The following CACNA1E variants were observed in gnomAD, a reference collection of about 807,000 sequenced individuals.
CACNA1E encodes voltage-dependent R-type calcium channel subunit alpha-1E.
CACNA1E carries 40 observed loss-of-function variants against 259.2 expected under a neutral mutation model. The ratio of observed to expected loss-of-function variants is 0.15; its 90% CI spans 0.12 to 0.20. The LOEUF (loss-of-function observed/expected upper bound fraction) is 0.20, where lower values mean the gene tolerates loss of function less well. Among genes scored for constraint, CACNA1E ranks in the 10% least tolerant of loss-of-function variants. The pLI is 1.00. For synonymous variants in CACNA1E, 1,104 were observed against 1,138.5 expected (o/e 0.97, Z 0.61); for missense variants, 1,874 against 3,040.1 (o/e 0.62, Z 9.02).
At chr1:181,722,010 A>T in intron 16 of CACNA1E, 135 bp downstream of exon 16, 2 of 639,858 alleles carry the variant, frequency 3.1e-6, no homozygotes, top group Non-Finnish European at 5.7e-6. Flanking sequence ...TACTAAAGTA[A>T]ATAAGGATCC....
intron 1 of CACNA1E, among the ~76,000 whole-genome samples, chr1:181,323,901 A>G (rs1025262997): frequency 6.6e-6 from 1 of 152,216 alleles, no homozygotes; most frequent in African/African-American, 2.4e-5. Context: ...AGGTTCATCC[A>G]GGCAAGGAAA....
At chr1:181,498,964 A>G (rs1434175619) in intron 1 of CACNA1E, among the ~76,000 whole-genome samples, 1 of 152,228 alleles carries the variant, frequency 6.6e-6, no homozygotes, top group Non-Finnish European at 1.5e-5. Context: ...AAAAATAGGA[A>G]TGGATAAGAG....
rs764008235 is a variant in CACNA1E at position 181,781,181 on chromosome 1, C to T, written c.5268-246C>T. ...GGTCTGTGTGGGGCGTGATATAAAC[C>T]GCACCAGGATGGAGTCATGTCTACG... On this transcript the variant is annotated intron_variant, in intron 38 of 47. Transcript: ENST00000367573. Among the ~76,000 whole-genome samples, 58 of 152,048 alleles carry T rather than the reference C, an allele frequency of 3.8e-4. 1 individual carries two copies. Among genetic ancestry groups the T allele is most frequent in the East Asian group, 1.9e-4 (1 of 5,184 alleles).
At chr1:181,472,797 G>A (rs1040878405) in intron 2 of CACNA1E, among the ~76,000 whole-genome samples, 1 of 152,192 alleles carries the variant, frequency 6.6e-6, no homozygotes, top group Non-Finnish European at 1.5e-5. Context: ...GGTGGGGTGT[G>A]GGTTAAACAC....
At chr1:181,577,582 G>A (rs1386820408) in intron 3 of CACNA1E, among the ~76,000 whole-genome samples, 184 bp from the exon 4 acceptor site, 1 of 152,204 alleles carries the variant, frequency 6.6e-6, no homozygotes, top group East Asian at 1.9e-4. Context: ...GTAAAACCCA[G>A]ATGGCTAAAT....
intron 1 of CACNA1E, among the ~76,000 whole-genome samples, chr1:181,320,119 T>C (rs1180411003): frequency 6.6e-6 from 1 of 152,202 alleles, no homozygotes; most frequent in African/African-American, 2.4e-5. Context: ...GGTAGCATGA[T>C]ATACAGTGAC....
intron 1 of CACNA1E, among the ~76,000 whole-genome samples, chr1:181,368,910 C>T (rs968364763): frequency 2.0e-5 from 3 of 152,144 alleles, no homozygotes; most frequent in Non-Finnish European, 4.4e-5. Flanking sequence ...GAATACTCTC[C>T]CTACATATTC....
intron 2 of CACNA1E, among the ~76,000 whole-genome samples, chr1:181,453,586 G>A (rs975478801): frequency 4.6e-5 from 7 of 152,188 alleles, no homozygotes; most frequent in Non-Finnish European, 8.8e-5. Flanking sequence ...TTATTTCAGG[G>A]TTCCAAATGA....
At chr1:181,523,513 G>A (rs1048660613) in intron 3 of CACNA1E, among the ~76,000 whole-genome samples, 2 of 152,084 alleles carry the variant, frequency 1.3e-5, no homozygotes, top group African/African-American at 4.8e-5. Flanking sequence ...TCATATCTTT[G>A]CTCTACTGTT....
At chr1:181,440,983 CAAAAAAAAAAAAAAAAAAAA>C (rs60257271) in intron 2 of CACNA1E, among the ~76,000 whole-genome samples, 22 of 38,192 alleles carry the variant, frequency 5.8e-4, no homozygotes, top group East Asian at 2.0e-3. Flanking sequence ...GACCTTGTTT[CAAAAAAAAAAAAAAAAAAAA>C]AAAAAAAAAA....
At chr1:181,713,676 C>T (rs980847437) in intron 8 of CACNA1E, among the ~76,000 whole-genome samples, 2 of 152,088 alleles carry the variant, frequency 1.3e-5, no homozygotes, top group Admixed American at 1.3e-4. Flanking sequence ...GCTAGCTTTC[C>T]CCCAGCAGCT....
chr1:181,487,911 C>G (rs1380423029), intron 1 of CACNA1E, among the ~76,000 whole-genome samples: 3 of 152,222 alleles, frequency 2.0e-5, no homozygotes, highest in Non-Finnish European at 4.4e-5. Flanking sequence ...CAGGGGAGAA[C>G]ATGCTTCGTG....
chr1:181,643,529 C>A (rs1459245358), intron 6 of CACNA1E, among the ~76,000 whole-genome samples: 1 of 152,138 alleles, frequency 6.6e-6, no homozygotes, highest in Non-Finnish European at 1.5e-5. Flanking sequence ...ACCTGCCTGC[C>A]CAGTGCCAGT....
chr1:181,619,966 T>G (rs1380421120), intron 6 of CACNA1E, among the ~76,000 whole-genome samples: 2 of 152,146 alleles, frequency 1.3e-5, no homozygotes, highest in East Asian at 3.9e-4. Flanking sequence ...GAGGATCTTT[T>G]GTAGGCAGGT....
At chr1:181,603,269 G>A (rs1192670671) in intron 6 of CACNA1E, among the ~76,000 whole-genome samples, 1 of 152,174 alleles carries the variant, frequency 6.6e-6, no homozygotes, top group Non-Finnish European at 1.5e-5. Context: ...TTTCCCAATA[G>A]CCCTTTGAGG....
chr1:181,645,075 C>T (rs557359620), intron 6 of CACNA1E, among the ~76,000 whole-genome samples: 9 of 152,254 alleles, frequency 5.9e-5, no homozygotes, highest in African/African-American at 1.9e-4. Context: ...TGGTGACAGC[C>T]GCGCAGGGAG....
At chr1:181,714,545 T>G (rs1260275372) in intron 8 of CACNA1E, among the ~76,000 whole-genome samples, 1 of 152,016 alleles carries the variant, frequency 6.6e-6, no homozygotes, top group African/African-American at 2.4e-5. Context: ...GAAGTGGGAG[T>G]AGGGGGAGGC....
chr1:181,783,301 A>G (rs1660578991), intron 39 of CACNA1E, among the ~76,000 whole-genome samples: 2 of 152,292 alleles, frequency 1.3e-5, no homozygotes, highest in Admixed American at 6.5e-5. Context: ...TGAACAGGAA[A>G]TGGAGCCACC....
chr1:181,798,932 A>C lies in CACNA1E; in HGVS notation c.*98A>C. On this transcript the variant is annotated 3_prime_UTR_variant, in exon 48 of 48. Coordinates refer to ENST00000367573, the MANE Select transcript of CACNA1E (RefSeq NM_001205293.3). The surrounding 1 kb of genome is among the most constrained non-coding windows in gnomAD (Gnocchi z 4.2). ...CGGCCCGGGGGGGAGGAAGAGGGAA[A>C]AGGAAGATGGAAGGACACCATGCAT... 9.0e-7 allele frequency: 1 copy of C among 1,110,056 alleles called. No homozygotes were observed. The highest frequency in any genetic ancestry group is 2.0e-5 in the South Asian group (1 of 51,260). The allele number at this position is 1,110,056 out of a possible 1,614,324, so 68.8% of individuals were successfully genotyped here.
Sources: gnomAD v4.1 joint callset for allele counts (sites outside exome capture counted in the v4.1 genomes callset) on GRCh38, gnomAD v4.1.1 for gene constraint, Gnocchi (gnomAD v3.1) non-coding constraint, MANE v1.5 for transcripts, NCBI Gene and HGNC (gene_info 2026-07-23, HGNC 2026-07-21) for gene names.